The following NELFE variants were observed in gnomAD, a reference collection of about 807,000 sequenced individuals.
NELFE encodes negative elongation factor E.
A neutral mutation model predicts 55.5 loss-of-function variants in NELFE; 26 were observed. The observed-to-expected ratio is 0.47, with a 90% CI of 0.34 to 0.65. The LOEUF is 0.65. NELFE is among the 30% of genes least tolerant of loss of function. NELFE has a pLI of 0.01. For missense variants in NELFE, 403 were observed against 506.9 expected (o/e 0.80, Z 1.97); for synonymous variants, 162 against 178.0 (o/e 0.91, Z 0.72).
chr6:31,958,681 C>T (rs1772248556), intron 1 of NELFE: 2 of 703,126 alleles, frequency 2.8e-6, no homozygotes, highest in African/African-American at 1.7e-5. Context: ...CTTTAGGTAC[C>T]ATGTGGTTCA....
In NELFE at chr6:31,954,501, G is replaced by T; in HGVS notation, c.742+54C>A. ...GACCATGCCACATTTCACTTAGTAG[G>T]ACCCACATAAACCTCAGTTAAGGTC... On this transcript the variant is annotated intron_variant, in intron 7 of 10. Transcript: ENST00000375429. This position sits in a 1 kb window ranked among gnomAD's most constrained non-coding sequence, Gnocchi z 5.5. The T allele has an allele frequency of 6.3e-7, 1 of 1,581,686 alleles. No homozygotes were observed. Among genetic ancestry groups the T allele is most frequent in the Non-Finnish European group, 8.6e-7 (1 of 1,161,142 alleles).
rs775785398 is a variant in NELFE at position 31,957,018 on chromosome 6, C to T, written c.76-8G>A. ...AGCCAGCAATGCCTTTTTCTGGGAA[C>T]AAGGGTGAGAAGAGAGAGGTAAGTG... On this transcript the variant is annotated splice_region_variant and splice_polypyrimidine_tract_variant and intron_variant, in intron 2 of 10. Transcript: ENST00000375429. The T allele has an allele frequency of 1.5e-5, 24 of 1,593,928 alleles. No homozygotes were observed. Among genetic ancestry groups the T allele is most frequent in the Non-Finnish European group, 2.0e-5 (23 of 1,165,456 alleles).
intron 4 of NELFE, among the ~76,000 whole-genome samples, 163 bp downstream of exon 4, chr6:31,956,530 G>A (rs1290614095): frequency 6.6e-6 from 1 of 152,168 alleles, no homozygotes; most frequent in Non-Finnish European, 1.5e-5. Flanking sequence ...TTGTAAAATG[G>A]AGAATTCAGG....
intron 4 of NELFE, 140 bp from the exon 5 acceptor site, chr6:31,955,433 G>C: frequency 3.6e-6 from 2 of 553,928 alleles, no homozygotes; most frequent in Middle Eastern, 5.1e-4. Context: ...TTTCTTATTT[G>C]ACGTGGTTTT....
At position 31,954,705 on chromosome 6, in the gene NELFE, T is replaced by C. The variant is rs376351915; in HGVS notation, c.592A>G (p.Arg198Gly). 3.1e-6 allele frequency: 5 copies of C among 1,613,576 alleles called. No homozygotes were observed. The highest frequency in any genetic ancestry group is 4.2e-6 in the Non-Finnish European group (5 of 1,179,720). Residue 198 changes from arginine (R) to glycine (G), a missense_variant, in exon 7 of 11, where the codon AGA (arginine) becomes GGA (glycine). Arg to Gly is a moderately radical substitution (Grantham distance 125). Around this residue, in one of 3 missense-constraint regions of NELFE, gnomAD observed 229 missense variants for 228.3 expected, o/e 1.00. Coordinates refer to ENST00000375429, the MANE Select transcript of NELFE (RefSeq NM_002904.6). This position sits in a 1 kb window ranked among gnomAD's most constrained non-coding sequence, Gnocchi z 5.5. ...RDRSHERNRDRDRDRERDRDR... is the reference protein window; with the variant it reads ...RDRSHERNRDGDRDRERDRDR... The stretch of plus-strand genomic sequence containing the variant: ...CGATCCCGCTCCCGATCTCGGTCTC[T>C]GTCCCGGTTCCTCTCATGGCTGCGG...
In NELFE at chr6:31,953,748, C is replaced by T. The variant is rs745404782; in HGVS notation, c.1026G>A (p.Lys342=). The T allele has an allele frequency of 6.2e-7, 1 of 1,612,990 alleles. No homozygotes were observed. The highest frequency in any genetic ancestry group is 8.5e-7 in the Non-Finnish European group (1 of 1,179,964). ...TCTTACCGAGGGAGCCCCAGACAGA[C>T]TTGCCAGTAGCGGCATCCAGCATGG... ...KQPMLDAATG[K]SVWGSLAVQN... Residue 342 remains lysine (K), a synonymous_variant, in exon 10 of 11, where the codon AAG becomes AAA. Transcript: ENST00000375429.
Position 31,954,056 on chromosome 6 carries a change from A to G in NELFE, c.942+24T>C, listed in dbSNP as rs1771918501. 1 of 1,611,866 alleles carries G rather than the reference A, an allele frequency of 6.2e-7. No homozygotes were observed. Among genetic ancestry groups the G allele is most frequent in the South Asian group, 1.1e-5 (1 of 91,000 alleles). ...CATGAGAACAGCAGAAGCGATGGGA[A>G]GAACAGATTTGGGAAGTTCCAACCT... On this transcript the variant is annotated intron_variant, in intron 9 of 10. Coordinates refer to ENST00000375429, the MANE Select transcript of NELFE (RefSeq NM_002904.6). The surrounding 1 kb of genome is among the most constrained non-coding windows in gnomAD (Gnocchi z 5.5).
In NELFE at chr6:31,954,809, G is replaced by A; in HGVS notation, c.488C>T (p.Pro163Leu). ...AEGPGAGDGP[P>L]RSFDWGYEER... ...TTCATAGCCCCAGTCAAAGCTTCGA[G>A]GGGGACCATCACCAGCCCCTGGGCC... Residue 163 changes from proline to leucine, a missense_variant, in exon 7 of 11, where the codon CCT (proline) becomes CTT (leucine). This residue lies in a region of NELFE where 229 missense variants were observed against 228.3 expected (regional missense o/e 1.00). Coordinates refer to ENST00000375429, the MANE Select transcript of NELFE (RefSeq NM_002904.6). The surrounding 1 kb of genome is among the most constrained non-coding windows in gnomAD (Gnocchi z 5.5). 4 of 1,604,094 alleles carry A rather than the reference G, an allele frequency of 2.5e-6. No individual in the cohort carries two copies. Among genetic ancestry groups the A allele is most frequent in the South Asian group, 1.1e-5 (1 of 90,308 alleles).
intron 3 of NELFE, 29 bp downstream of exon 3, chr6:31,956,912 A>T (rs1169083982): frequency 6.2e-7 from 1 of 1,612,664 alleles, no homozygotes; most frequent in Non-Finnish European, 8.5e-7. Flanking sequence ...GCCCACTTCC[A>T]GTCCATCCCC....
At chr6:31,958,524 C>A in intron 1 of NELFE, 70 bp from the exon 2 acceptor site, 1 of 1,264,926 alleles carries the variant, frequency 7.9e-7, no homozygotes, top group Non-Finnish European at 1.2e-6. Flanking sequence ...GCCGTCCACA[C>A]TGTACCCAAC....
intron 4 of NELFE, 125 bp from the exon 5 acceptor site, chr6:31,955,418 A>C: frequency 1.7e-6 from 1 of 588,954 alleles, no homozygotes. Context: ...TTAATTCTAC[A>C]TACATTTCTT....
Position 31,954,606 on chromosome 6 carries a change from C to T in NELFE, c.691G>A (p.Asp231Asn). The change falls in exon 7 of 11, where the codon GAC (aspartate) becomes AAC (asparagine). Residue 231 changes from aspartate to asparagine, a missense_variant. Transcript: ENST00000375429. The surrounding 1 kb of genome is among the most constrained non-coding windows in gnomAD (Gnocchi z 5.5). ...TCTCGATCCCGCTCCCGATCCCTGT[C>T]CCGTTCCCGGTCTCGATCTCGATCC... ...DRDRDRDRER[D>N]RDRERDRDRD... 6.2e-7 allele frequency: 1 copy of T among 1,610,224 alleles called. No homozygotes were observed. Among genetic ancestry groups the T allele is most frequent in the Non-Finnish European group, 8.5e-7 (1 of 1,178,364 alleles).
In NELFE at chr6:31,956,971, T is replaced by C. The variant is rs781515594; in HGVS notation, c.115A>G (p.Ser39Gly). 6.2e-7 allele frequency: 1 copy of C among 1,603,974 alleles called. No homozygotes were observed. The highest frequency in any genetic ancestry group is 1.1e-5 in the South Asian group (1 of 90,950). Residue 39 changes from serine to glycine, a missense_variant, in exon 3 of 11, where the codon AGC (serine) becomes GGC (glycine). Around this residue, in one of 3 missense-constraint regions of NELFE, gnomAD observed 97 missense variants for 155.3 expected, o/e 0.62. Coordinates refer to ENST00000375429, the MANE Select transcript of NELFE (RefSeq NM_002904.6). ...TTGACACCACCTTGGCTGGTTGTGC[T>C]GCTGCTACTTTGCTTCTTCAGAGCC... ...LLALKKQSSS[S>G]TTSQGGVKRS...
At chr6:31,952,535 T>C in intron 10 of NELFE, 137 bp from the exon 11 acceptor site, 6 of 601,072 alleles carry the variant, frequency 1.0e-5, no homozygotes, top group South Asian at 2.1e-5. Context: ...GTGGCCAGGA[T>C]GGCCTGTCTT....
Position 31,954,262 on chromosome 6 carries a change from C to T in NELFE, c.887+36G>A. On this transcript the variant is annotated intron_variant, in intron 8 of 10. Transcript: ENST00000375429. This position sits in a 1 kb window ranked among gnomAD's most constrained non-coding sequence, Gnocchi z 5.5. ...TCAGGTCTCACACCCCAGGATTCTC[C>T]CAGGACTTCTCATCATGCCCTGTTG... The T allele has an allele frequency of 6.2e-7, 1 of 1,609,524 alleles. No individual in the cohort carries two copies.
At chr6:31,958,028 A>T (rs1772197579) in intron 2 of NELFE, among the ~76,000 whole-genome samples, 1 of 152,238 alleles carries the variant, frequency 6.6e-6, no homozygotes, top group African/African-American at 2.4e-5. Flanking sequence ...AGTCAATCTT[A>T]TTTGGAAGAT....
Position 31,954,864 on chromosome 6 carries a change from C to T in NELFE, c.433G>A (p.Glu145Lys), listed in dbSNP as rs1401054064. The change falls in exon 7 of 11, where the codon GAA becomes AAA. Residue 145 changes from glutamate (E) to lysine (K), a missense_variant. Physicochemically the swap from Glu to Lys is moderately conservative, Grantham distance 56. Transcript: ENST00000375429. This position sits in a 1 kb window ranked among gnomAD's most constrained non-coding sequence, Gnocchi z 5.5. ...GCCTCTTCTCCATCTGGTCCTAGTT[C>T]TCGAAGTCGATCACTAGAAGACACA... ...SFVSSSDRLR[E>K]LGPDGEEAEG... 1.3e-6 allele frequency: 2 copies of T among 1,566,348 alleles called. No homozygotes were observed.
Position 31,955,258 on chromosome 6 carries a change from C to A in NELFE, c.327G>T (p.Pro109=). ...PEKGPVPTFQ[P]FQRSISADDD... ...CATCAGCAGATATGCTCCTCTGGAACGGCTGGAAAGTGGGGACTGGTCCCT... is the reference window on the plus strand; with the variant it reads ...CATCAGCAGATATGCTCCTCTGGAAAGGCTGGAAAGTGGGGACTGGTCCCT... The change falls in exon 5 of 11, where the codon CCG becomes CCT. Residue 109 remains proline (P), a synonymous_variant. Coordinates refer to ENST00000375429, the MANE Select transcript of NELFE (RefSeq NM_002904.6). 6.3e-7 allele frequency: 1 copy of A among 1,599,986 alleles called. No individual in the cohort carries two copies. Among genetic ancestry groups the A allele is most frequent in the Non-Finnish European group, 8.5e-7 (1 of 1,173,670 alleles).
In NELFE at chr6:31,953,826, G is replaced by A. The variant is rs1394171760; in HGVS notation, c.948C>T (p.Asn316=). 10 of 1,612,742 alleles carry A rather than the reference G, an allele frequency of 6.2e-6. No individual in the cohort carries two copies. The highest frequency in any genetic ancestry group is 2.2e-5 in the East Asian group (1 of 44,898). ...ESADQAVAEL[N]GTQVESVQLK... ...GCTGTACAGACTCCACCTGGGTCCC[G>A]TTGAGCTGAAGCAGAAGAGGGGAGG... is the stretch of plus-strand genomic sequence containing the variant. Residue 316 remains asparagine (N), a synonymous_variant, in exon 10 of 11, where the codon AAC becomes AAT. Coordinates refer to ENST00000375429, the MANE Select transcript of NELFE (RefSeq NM_002904.6).
Sources: gnomAD v4.1 joint callset for allele counts (sites outside exome capture counted in the v4.1 genomes callset) on GRCh38, gnomAD v4.1.1 for gene constraint, gnomAD v4.1.1 regional missense constraint, Gnocchi (gnomAD v3.1) non-coding constraint, MANE v1.5 for transcripts, NCBI Gene and HGNC (gene_info 2026-07-23, HGNC 2026-07-21) for gene names.